Variants in CTCF observed in about 807,000 individuals in gnomAD.
CTCF encodes transcriptional repressor CTCF.
A neutral mutation model predicts 72.3 loss-of-function variants in CTCF; 7 were observed. The ratio of observed to expected loss-of-function variants is 0.10; its 90% CI spans 0.06 to 0.18. CTCF has a LOEUF of 0.18. Among genes scored for constraint, CTCF ranks in the 10% least tolerant of loss-of-function variants. The pLI, the probability that CTCF is intolerant of heterozygous loss-of-function variation, is 1.00. For missense variants in CTCF, 516 were observed against 949.1 expected (o/e 0.54, Z 6.00); for synonymous variants, 374 against 315.8 (o/e 1.18, Z -1.95).
At position 67,638,261 on chromosome 16, in the gene CTCF, A is replaced by G. The variant is rs2052459840; in HGVS notation, c.*389A>G. On this transcript the variant is annotated 3_prime_UTR_variant, in exon 12 of 12. Transcript: ENST00000264010. ...AGAGAGTTTTTAATTGTAAATGCATACTTGGGAAGGACTTAGAGTTTTAAA... is the reference window on the plus strand; with the variant it reads ...AGAGAGTTTTTAATTGTAAATGCATGCTTGGGAAGGACTTAGAGTTTTAAA... 1 of 245,754 alleles carries G rather than the reference A, an allele frequency of 4.1e-6. No individual in the cohort carries two copies. Among genetic ancestry groups the G allele is most frequent in the Admixed American group, 5.3e-5 (1 of 18,882 alleles). The allele number at this position is 245,754 out of a possible 1,614,324, so 15.2% of individuals were successfully genotyped here. A position where few individuals can be genotyped will look rare whatever the true frequency, so the allele number is the denominator to read the frequency against.
At chr16:67,574,943 C>T (rs1329388568) in intron 2 of CTCF, among the ~76,000 whole-genome samples, 1 of 152,094 alleles carries the variant, frequency 6.6e-6, no homozygotes, top group Admixed American at 6.6e-5. Context: ...AGGCGTGAGC[C>T]ACTGCGCCCA....
At chr16:67,592,114 A>G (rs1413708006) in intron 2 of CTCF, among the ~76,000 whole-genome samples, 1 of 151,982 alleles carries the variant, frequency 6.6e-6, no homozygotes, top group Non-Finnish European at 1.5e-5. Flanking sequence ...ACATTTTTCT[A>G]ATGTAAAGAT....
Position 67,610,830 on chromosome 16 carries a change from G to T in CTCF, c.-3G>T. 6.8e-7 allele frequency: 1 copy of T among 1,462,884 alleles called. No homozygotes were observed. The highest frequency in any genetic ancestry group is 9.1e-7 in the Non-Finnish European group (1 of 1,103,244). The allele number at this position is 1,462,884 out of a possible 1,614,324, so 90.6% of individuals were successfully genotyped here. On this transcript the variant is annotated 5_prime_UTR_variant, in exon 3 of 12. Transcript: ENST00000264010. ...GTGTTCTCCCTTAATAAAGGCAGGG[G>T]AAATGGAAGGTGATGCAGTCGAAGC...
At chr16:67,583,232 C>T (rs2051614798) in intron 2 of CTCF, among the ~76,000 whole-genome samples, 1 of 151,866 alleles carries the variant, frequency 6.6e-6, no homozygotes, top group African/African-American at 2.4e-5. Context: ...AGTGATCCTC[C>T]AGCCTTGGCC....
chr16:67,637,206 G>T (rs2052442655), intron 11 of CTCF, among the ~76,000 whole-genome samples: 1 of 152,210 alleles, frequency 6.6e-6, no homozygotes, highest in African/African-American at 2.4e-5. Context: ...AGGTTGGAGA[G>T]GGAAAGCAGT....
At chr16:67,569,082 G>A (rs1373784076) in intron 1 of CTCF, among the ~76,000 whole-genome samples, 1 of 151,500 alleles carries the variant, frequency 6.6e-6, no homozygotes, top group Non-Finnish European at 1.5e-5. Flanking sequence ...CTTGTGATCC[G>A]CCTGCCTTGG....
At chr16:67,604,810 G>T (rs1405193030) in intron 2 of CTCF, among the ~76,000 whole-genome samples, 4 of 145,696 alleles carry the variant, frequency 2.7e-5, no homozygotes, top group African/African-American at 1.0e-4. Flanking sequence ...ATATAATGTG[G>T]CTTATGTTTG....
rs781616750 is a variant in CTCF at position 67,580,772 on chromosome 16, A to ATTTTTTTTTTTTTTTTTTT, written c.-10+9513_-10+9531dup. 1.8e-4 allele frequency among the ~76,000 whole-genome samples: 22 copies of ATTTTTTTTTTTTTTTTTTT among 120,162 alleles called. 3 individuals are homozygous for ATTTTTTTTTTTTTTTTTTT. Among genetic ancestry groups the ATTTTTTTTTTTTTTTTTTT allele is most frequent in the African/African-American group, 7.6e-4 (22 of 28,916 alleles). The allele number at this position is 120,162 out of a possible 152,430, so 78.8% of individuals were successfully genotyped here. On this transcript the variant is annotated intron_variant, in intron 2 of 11. Coordinates refer to ENST00000264010, the MANE Select transcript of CTCF (RefSeq NM_006565.4). ...GGCACCTGCCCCAACGCCTGGCCAA[A>ATTTTTTTTTTTTTTTTTTT]TTTTTTTTTTTTTTTTTTTTTTTAG...
At chr16:67,575,911 A>G (rs2051490070) in intron 2 of CTCF, among the ~76,000 whole-genome samples, 1 of 151,644 alleles carries the variant, frequency 6.6e-6, no homozygotes, top group Non-Finnish European at 1.5e-5. Context: ...GTCTCGTTGC[A>G]TGTTGCAAGG....
In CTCF at chr16:67,567,068, G is replaced by A. The variant is rs139441297; in HGVS notation, c.-126-4080G>A. ...TGTTGCCTAGGCTGGTCTCAAACTC[G>A]TGGCCTCAAGCAGTCTGTCTGCCTT... is the stretch of plus-strand genomic sequence containing the variant. On this transcript the variant is annotated intron_variant, in intron 1 of 11. Transcript: ENST00000264010. 2.6e-3 allele frequency among the ~76,000 whole-genome samples: 399 copies of A among 151,718 alleles called. 3 individuals carry two copies. Among genetic ancestry groups the A allele is most frequent in the African/African-American group, 9.4e-3 (390 of 41,350 alleles).
intron 7 of CTCF, among the ~76,000 whole-genome samples, chr16:67,624,065 TTA>T (rs201781611): frequency 0.017 from 1,652 of 97,736 alleles, 12 homozygotes; most frequent in Middle Eastern, 0.097. Context: ...AAAAAAAAAA[TTA>T]TATATGTGTG....
rs573368745 is a variant in CTCF, at chr16:67,580,925, T to TTTTA, written c.-10+9677_-10+9680dup. Among the ~76,000 whole-genome samples, 563 of 151,168 alleles carry TTTTA rather than the reference T, an allele frequency of 3.7e-3. 6 individuals are homozygous for TTTTA. Among genetic ancestry groups the TTTTA allele is most frequent in the African/African-American group, 0.013 (536 of 41,130 alleles). On this transcript the variant is annotated intron_variant, in intron 2 of 11. Coordinates refer to ENST00000264010, the MANE Select transcript of CTCF (RefSeq NM_006565.4). Reference sequence around the variant, plus strand: ...GCCACCGCACCAGGATTTACTTATTTTTTATTTATTTATTTATTTTTGAGA... The same window carrying TTTTA: ...GCCACCGCACCAGGATTTACTTATTTTTTATTTATTTATTTATTTATTTTTGAGA...
rs946003510 is a variant in CTCF at position 67,637,986 on chromosome 16, A to G, written c.*114A>G. ...CTTTGGGAAAAGCATCATTTTACCA[A>G]ACATACCGAGAACGAAAACTTCAAG... On this transcript the variant is annotated 3_prime_UTR_variant, in exon 12 of 12. Coordinates refer to ENST00000264010, the MANE Select transcript of CTCF (RefSeq NM_006565.4). The G allele has an allele frequency of 2.0e-6, 2 of 976,588 alleles. No individual in the cohort carries two copies. The highest frequency in any genetic ancestry group is 3.3e-5 in the African/African-American group (2 of 60,958). 60.5% of individuals were successfully genotyped at this position (976,588 alleles called of 1,614,324 possible). A position where few individuals can be genotyped will look rare whatever the true frequency, so the allele number is the denominator to read the frequency against.
At chr16:67,628,249 C>A in intron 8 of CTCF, 121 bp from the exon 9 acceptor site, 2 of 788,734 alleles carry the variant, frequency 2.5e-6, no homozygotes, top group Admixed American at 2.8e-5. Flanking sequence ...TCTCAACAAG[C>A]CGTGTGGAGT....
intron 1 of CTCF, among the ~76,000 whole-genome samples, chr16:67,569,455 A>C (rs1186221141): frequency 6.6e-6 from 1 of 152,074 alleles, no homozygotes; most frequent in Non-Finnish European, 1.5e-5. Context: ...AAGTGCTGGG[A>C]TTACAGGTGT....
At chr16:67,594,057 G>T (rs866871955) in intron 2 of CTCF, among the ~76,000 whole-genome samples, 3 of 152,030 alleles carry the variant, frequency 2.0e-5, no homozygotes, top group Non-Finnish European at 2.9e-5. Flanking sequence ...TACATGGCAG[G>T]ATTTTAAAAA....
chr16:67,573,819 C>A (rs972993841), intron 2 of CTCF, among the ~76,000 whole-genome samples: 1 of 151,944 alleles, frequency 6.6e-6, no homozygotes, highest in African/African-American at 2.4e-5. Context: ...GATTGCAAGT[C>A]CAAGAGATTG....
chr16:67,625,619 C>T (rs1307148859), intron 7 of CTCF, among the ~76,000 whole-genome samples: 2 of 152,176 alleles, frequency 1.3e-5, no homozygotes, highest in African/African-American at 4.8e-5. Context: ...ATTGGTGGTA[C>T]AGTGATAAGC....
intron 4 of CTCF, among the ~76,000 whole-genome samples, chr16:67,613,222 A>G (rs911697398): frequency 1.3e-5 from 2 of 152,196 alleles, no homozygotes; most frequent in Non-Finnish European, 2.9e-5. Context: ...GTCTTCTCAC[A>G]TGGTTTTTCA....
Sources: gnomAD v4.1 joint callset for allele counts (sites outside exome capture counted in the v4.1 genomes callset) on GRCh38, gnomAD v4.1.1 for gene constraint, MANE v1.5 for transcripts, NCBI Gene and HGNC (gene_info 2026-07-23, HGNC 2026-07-21) for gene names.